Variants in TIMM44 observed in about 807,000 individuals in gnomAD.
The protein encoded by TIMM44 is translocase of inner mitochondrial membrane 44.
TIMM44 carries 37 observed loss-of-function variants against 63.8 expected under a neutral mutation model. The ratio of observed to expected loss-of-function variants is 0.58; its 90% CI spans 0.45 to 0.76. The LOEUF is 0.76. Among genes scored for constraint, TIMM44 ranks in the 30% least tolerant of loss-of-function variants. The probability of loss-of-function intolerance (pLI) is 0.00; values close to 1 mark genes in which losing one functional copy is unlikely to be tolerated. For missense variants in TIMM44, 573 were observed against 603.8 expected (o/e 0.95, Z 0.54); for synonymous variants, 239 against 245.1 (o/e 0.98, Z 0.23).
rs781706430 is a variant in TIMM44, at chr19:7,933,555, G to A, written c.699C>T (p.Val233=). ...ACCACTTGGAGTCCTTGTGCAGCAC[G>A]ACCCCCAGGGCCTCCCTGGGGAAGA... ...VFEPNEEALG[V]VLHKDSKWYQ... Residue 233 remains valine (V), a synonymous_variant, in exon 7 of 13, where the codon GTC becomes GTT. Coordinates refer to ENST00000270538, the MANE Select transcript of TIMM44 (RefSeq NM_006351.4). The surrounding 1 kb of genome is among the most constrained non-coding windows in gnomAD (Gnocchi z 4.3). 5 of 1,613,974 alleles carry A rather than the reference G, an allele frequency of 3.1e-6. No homozygotes were observed. Among genetic ancestry groups the A allele is most frequent in the South Asian group, 2.2e-5 (2 of 91,068 alleles).
rs760881753 is a variant in TIMM44 at position 7,935,058 on chromosome 19, C to G, written c.393+7G>C. ...CCAGCGGCTCCAGGCGGGCGTGGAACTGTTACCTCCTTCACGGTGCCCGTC... is the reference window on the plus strand; with the variant it reads ...CCAGCGGCTCCAGGCGGGCGTGGAAGTGTTACCTCCTTCACGGTGCCCGTC... On this transcript the variant is annotated splice_region_variant and intron_variant, in intron 4 of 12. Coordinates refer to ENST00000270538, the MANE Select transcript of TIMM44 (RefSeq NM_006351.4). The G allele has an allele frequency of 5.6e-6, 9 of 1,611,798 alleles. No individual in the cohort carries two copies. The highest frequency in any genetic ancestry group is 1.1e-5 in the South Asian group (1 of 90,642).
chr19:7,933,010 C>T lies in TIMM44; in HGVS notation c.770-78G>A, dbSNP rs2145175348. 3 of 1,179,338 alleles carry T rather than the reference C, an allele frequency of 2.5e-6. No homozygotes were observed. In the East Asian group the frequency reaches 7.3e-5, roughly 29 times the overall value. 73.1% of individuals were successfully genotyped at this position (1,179,338 alleles called of 1,614,324 possible). A position where few individuals can be genotyped will look rare whatever the true frequency, so the allele number is the denominator to read the frequency against. On this transcript the variant is annotated intron_variant, in intron 7 of 12. Coordinates refer to ENST00000270538, the MANE Select transcript of TIMM44 (RefSeq NM_006351.4). This position sits in a 1 kb window ranked among gnomAD's most constrained non-coding sequence, Gnocchi z 4.3. ...CCTCCCTCACAGCTTCTAGAGGCTCCCTGTGACCCCTGCGGGATCCACCCT... is the reference window on the plus strand; with the variant it reads ...CCTCCCTCACAGCTTCTAGAGGCTCTCTGTGACCCCTGCGGGATCCACCCT...
At chr19:7,941,635 T>C (rs1984315006) in intron 1 of TIMM44, among the ~76,000 whole-genome samples, 1 of 151,778 alleles carries the variant, frequency 6.6e-6, no homozygotes, top group African/African-American at 2.4e-5. Context: ...CCGGGCACTC[T>C]GTAATCTTCC....
Position 7,943,528 on chromosome 19 carries a change from G to T in TIMM44, c.45+79C>A. 2 of 1,494,500 alleles carry T rather than the reference G, an allele frequency of 1.3e-6. No homozygotes were observed. Among genetic ancestry groups the T allele is most frequent in the Non-Finnish European group, 1.8e-6 (2 of 1,106,814 alleles). The allele number at this position is 1,494,500 out of a possible 1,614,324, so 92.6% of individuals were successfully genotyped here. ...CCAAGCAAGGGTCGCGAAGGCCAAG[G>T]GTCTGAGAAGAAAGCCTTGGTGGCC... On this transcript the variant is annotated intron_variant, in intron 1 of 12. Coordinates refer to ENST00000270538, the MANE Select transcript of TIMM44 (RefSeq NM_006351.4). This position sits in a 1 kb window ranked among gnomAD's most constrained non-coding sequence, Gnocchi z 4.3.
Position 7,927,788 on chromosome 19 carries a change from G to A in TIMM44, c.1129-21C>T, listed in dbSNP as rs1418420996. 3 of 1,605,214 alleles carry A rather than the reference G, an allele frequency of 1.9e-6. No individual in the cohort carries two copies. In the South Asian group the frequency reaches 3.3e-5, roughly 18 times the overall value. On this transcript the variant is annotated intron_variant, in intron 11 of 12. Transcript: ENST00000270538. ...GCCAGCTGCAGAGGGGCCGAGAGGG[G>A]GGATGTGCCTCAGAGGACAGCCCGG...
chr19:7,935,294 T>A, intron 3 of TIMM44, 149 bp from the exon 4 acceptor site: 1 of 707,550 alleles, frequency 1.4e-6, no homozygotes, highest in South Asian at 1.6e-5. Flanking sequence ...GCCTCCCGAG[T>A]AGCTGGGACT....
chr19:7,942,662 CTTTT>C (rs869229145), intron 1 of TIMM44, among the ~76,000 whole-genome samples: 2 of 139,512 alleles, frequency 1.4e-5, no homozygotes, highest in African/African-American at 2.6e-5. Context: ...TTGAGGATAA[CTTTT>C]TTTTTTTTTT....
chr19:7,936,407 G>A (rs145661671), intron 3 of TIMM44, among the ~76,000 whole-genome samples: 2 of 151,288 alleles, frequency 1.3e-5, no homozygotes, highest in Non-Finnish European at 3.0e-5. Flanking sequence ...AGCCGAGATC[G>A]CACCATTGCA....
intron 10 of TIMM44, 65 bp downstream of exon 10, chr19:7,931,073 G>C (rs1983967729): frequency 1.3e-6 from 2 of 1,526,242 alleles, no homozygotes; most frequent in Non-Finnish European, 1.8e-6. Flanking sequence ...CACCGAAGTG[G>C]AACTTCTCCA....
Position 7,935,953 on chromosome 19 carries a change from G to A in TIMM44, c.313-808C>T, listed in dbSNP as rs1444368890. On this transcript the variant is annotated intron_variant, in intron 3 of 12. Coordinates refer to ENST00000270538, the MANE Select transcript of TIMM44 (RefSeq NM_006351.4). Reference sequence around the variant, plus strand: ...AGGATCGCTTGAGCCCAGAGAGTTCGAGACCAGCACAGGCAACATGGCGAG... The same window carrying A: ...AGGATCGCTTGAGCCCAGAGAGTTCAAGACCAGCACAGGCAACATGGCGAG... 2.0e-5 allele frequency among the ~76,000 whole-genome samples: 3 copies of A among 152,150 alleles called. No individual in the cohort carries two copies. In the East Asian group the frequency reaches 5.8e-4, roughly 29 times the overall value.
rs374028497 is a variant in TIMM44, at chr19:7,935,159, G to A, written c.313-14C>T. The A allele has an allele frequency of 5.8e-5, 88 of 1,521,120 alleles. No homozygotes were observed. In the African/African-American group the frequency reaches 9.7e-4, roughly 17 times the overall value. 94.2% of individuals were successfully genotyped at this position (1,521,120 alleles called of 1,614,324 possible). On this transcript the variant is annotated splice_polypyrimidine_tract_variant and intron_variant, in intron 3 of 12. Coordinates refer to ENST00000270538, the MANE Select transcript of TIMM44 (RefSeq NM_006351.4). ...CTCGATGGTTTTCTAGGTAAAGAGC[G>A]CTGTGTCCTTTTTTTTTTTTTTTTT...
chr19:7,932,321 A>G, intron 9 of TIMM44: 1 of 447,312 alleles, frequency 2.2e-6, no homozygotes, highest in Non-Finnish European at 4.1e-6. Context: ...GGCTCCAGGC[A>G]CCTGAGACAA....
chr19:7,930,833 C>A (rs1367345041), intron 10 of TIMM44, among the ~76,000 whole-genome samples: 1 of 152,238 alleles, frequency 6.6e-6, no homozygotes, highest in Non-Finnish European at 1.5e-5. Flanking sequence ...ACACCCCCAA[C>A]CAGCCATCTC....
Position 7,933,600 on chromosome 19 carries a change from C to T in TIMM44, c.684-30G>A, listed in dbSNP as rs1480448894. The T allele has an allele frequency of 1.9e-6, 3 of 1,598,566 alleles. No homozygotes were observed. The highest frequency in any genetic ancestry group is 1.1e-5 in the South Asian group (1 of 90,730). On this transcript the variant is annotated intron_variant, in intron 6 of 12. Coordinates refer to ENST00000270538, the MANE Select transcript of TIMM44 (RefSeq NM_006351.4). This position sits in a 1 kb window ranked among gnomAD's most constrained non-coding sequence, Gnocchi z 4.3. ...GGAAGAGGGTGGGCCCTGGGGTGAG[C>T]GGCGGCGCCAGGGCCACCCTGTGCC... is the stretch of plus-strand genomic sequence containing the variant.
Position 7,926,944 on chromosome 19 carries a change from G to A in TIMM44, c.*243C>T. ...TGTGCACCCCAGGTGACCAGGCGCC[G>A]GGACCCCTGCAGGGCAGAGCAACAG... On this transcript the variant is annotated 3_prime_UTR_variant, in exon 13 of 13. Transcript: ENST00000270538. The A allele has an allele frequency of 5.7e-6, 3 of 527,064 alleles. No individual in the cohort carries two copies. The highest frequency in any genetic ancestry group is 3.6e-5 in the East Asian group (1 of 28,142). The allele number at this position is 527,064 out of a possible 1,614,324, so 32.6% of individuals were successfully genotyped here.
Position 7,934,158 on chromosome 19 carries a change from C to G in TIMM44, c.474G>C (p.Gln158His). ...GVEEAAKTAK[Q>H]SAESVSKGGE... Reference sequence around the variant, plus strand: ...CGCCTTTGGATACCGACTCGGCCGACTGCTTGGCCGTCTTGGCTGCTTCCT... The same window carrying G: ...CGCCTTTGGATACCGACTCGGCCGAGTGCTTGGCCGTCTTGGCTGCTTCCT... The change falls in exon 5 of 13, where the codon CAG (glutamine) becomes CAC (histidine). Residue 158 changes from glutamine to histidine, a missense_variant. By Grantham distance (24) the Gln-to-His change is conservative. Transcript: ENST00000270538. This position sits in a 1 kb window ranked among gnomAD's most constrained non-coding sequence, Gnocchi z 5.3. 1 of 1,613,614 alleles carries G rather than the reference C, an allele frequency of 6.2e-7. No homozygotes were observed. Among genetic ancestry groups the G allele is most frequent in the Non-Finnish European group, 8.5e-7 (1 of 1,180,000 alleles).
At position 7,936,106 on chromosome 19, in the gene TIMM44, G is replaced by C. The variant is rs566389101; in HGVS notation, c.313-961C>G. Among the ~76,000 whole-genome samples, 7 of 152,284 alleles carry C rather than the reference G, an allele frequency of 4.6e-5. No homozygotes were observed. The South Asian group carries it at 1.5e-3, about 32-fold the overall frequency. ...GAAGGTCAAAACTGCAGTGAGCTGTGATCACACCACTGCACTCCAGCCAGG... is the reference window on the plus strand; with the variant it reads ...GAAGGTCAAAACTGCAGTGAGCTGTCATCACACCACTGCACTCCAGCCAGG... On this transcript the variant is annotated intron_variant, in intron 3 of 12. Transcript: ENST00000270538.
Position 7,926,961 on chromosome 19 carries a change from G to C in TIMM44, c.*226C>G, listed in dbSNP as rs1038680801. 6.8e-6 allele frequency: 4 copies of C among 586,708 alleles called. No homozygotes were observed. The highest frequency in any genetic ancestry group is 5.6e-5 in the African/African-American group (3 of 53,642). 36.3% of individuals were successfully genotyped at this position (586,708 alleles called of 1,614,324 possible). ...CAGGCGCCGGGACCCCTGCAGGGCA[G>C]AGCAACAGGGCAGGGGTTGGCCCTG... On this transcript the variant is annotated 3_prime_UTR_variant, in exon 13 of 13. Coordinates refer to ENST00000270538, the MANE Select transcript of TIMM44 (RefSeq NM_006351.4).
Position 7,943,644 on chromosome 19 carries a change from G to A in TIMM44, c.8C>T (p.Ala3Val), listed in dbSNP as rs564741991. 2.6e-6 allele frequency: 4 copies of A among 1,566,584 alleles called. No homozygotes were observed. The highest frequency in any genetic ancestry group is 1.3e-5 in the African/African-American group (1 of 74,112). MA[A>V]AALRSGWCRC... is the part of the protein sequence containing the mutation. ...GCACCAGCCACTCCGCAGGGCCGCC[G>A]CCGCCATGTTGGAGAATCGTGTGAC... Residue 3 changes from alanine (A) to valine (V), a missense_variant, in exon 1 of 13, where the codon GCG (alanine) becomes GTG (valine). Transcript: ENST00000270538. This position sits in a 1 kb window ranked among gnomAD's most constrained non-coding sequence, Gnocchi z 4.3.
Sources: allele counts gnomAD v4.1 joint callset (sites outside exome capture counted in the v4.1 genomes callset), GRCh38; gene constraint gnomAD v4.1.1; non-coding constraint Gnocchi (gnomAD v3.1); transcripts MANE v1.5; gene names NCBI Gene and HGNC (gene_info 2026-07-23, HGNC 2026-07-21).